KLHL32: variants seen among roughly 807,000 people sequenced by gnomAD.
KLHL32 encodes kelch-like protein 32.
A neutral mutation model predicts 64.8 loss-of-function variants in KLHL32; 35 were observed. The ratio of observed to expected loss-of-function variants is 0.54; its 90% CI spans 0.41 to 0.72. KLHL32 has a LOEUF of 0.72. Among genes scored for constraint, KLHL32 ranks in the 30% least tolerant of loss-of-function variants. The probability of loss-of-function intolerance (pLI) is 0.00; values close to 1 mark genes in which losing one functional copy is unlikely to be tolerated. For missense variants in KLHL32, 589 were observed against 768.5 expected, an observed-to-expected ratio of 0.77 and a Z score of 2.76; for synonymous variants, 259 against 281.0, an observed-to-expected ratio of 0.92 and a Z score of 0.78.
rs140738978 is a variant in KLHL32, at chr6:97,139,530, G to T, written c.*248G>T. 9.7e-6 allele frequency: 4 copies of T among 413,290 alleles called. No homozygotes were observed. Among genetic ancestry groups the T allele is most frequent in the African/African-American group, 6.1e-5 (3 of 48,992 alleles). 25.6% of individuals were successfully genotyped at this position (413,290 alleles called of 1,614,324 possible). ...GCTTAGTGCCAATTTAAGGTATATT[G>T]TGTTCCATGGGTCTTTAGAGCATTC... On this transcript the variant is annotated 3_prime_UTR_variant, in exon 11 of 11. Transcript: ENST00000369261.
chr6:96,952,834 T>C (rs1772792591), intron 1 of KLHL32, among the ~76,000 whole-genome samples: 1 of 152,198 alleles, frequency 6.6e-6, no homozygotes, highest in South Asian at 2.1e-4. Flanking sequence ...TTTCAGACCT[T>C]TGTATTCTGG....
chr6:96,935,845 G>T (rs143390415), intron 1 of KLHL32, among the ~76,000 whole-genome samples: 23 of 152,314 alleles, frequency 1.5e-4, no homozygotes, highest in Non-Finnish European at 3.1e-4. Flanking sequence ...AAATCTCTAT[G>T]CAATAATATG....
chr6:97,026,433 G>A (rs1782730017), intron 3 of KLHL32, among the ~76,000 whole-genome samples: 1 of 152,094 alleles, frequency 6.6e-6, no homozygotes, highest in Non-Finnish European at 1.5e-5. Context: ...TCATTGAGCT[G>A]ACCTGTTCTT....
rs1295954880 is a variant in KLHL32, at chr6:97,139,660, T to A, written c.*378T>A. ...TCGATGATCTTAAAAATATATATAT[T>A]CTGTACTTAATCCCTTTATTATTTA... On this transcript the variant is annotated 3_prime_UTR_variant, in exon 11 of 11. Coordinates refer to ENST00000369261, the MANE Select transcript of KLHL32 (RefSeq NM_052904.4). 6.3e-6 allele frequency: 1 copy of A among 159,748 alleles called. No individual in the cohort carries two copies. Among genetic ancestry groups the A allele is most frequent in the African/African-American group, 2.4e-5 (1 of 41,672 alleles). The allele number at this position is 159,748 out of a possible 1,614,324, so 9.9% of individuals were successfully genotyped here.
intron 3 of KLHL32, among the ~76,000 whole-genome samples, chr6:97,013,551 G>A (rs1351528148): frequency 6.6e-6 from 1 of 152,066 alleles, no homozygotes; most frequent in Non-Finnish European, 1.5e-5. Flanking sequence ...TACATACACA[G>A]ACACACACAT....
intron 2 of KLHL32, among the ~76,000 whole-genome samples, chr6:96,973,263 G>T (rs7762215): frequency 0.42 from 63,531 of 151,934 alleles, 13,468 homozygotes; most frequent in South Asian, 0.54. Flanking sequence ...CAGCTGCTCT[G>T]TTTCTGGTAA....
chr6:96,934,459 C>CA (rs55713007), intron 1 of KLHL32, among the ~76,000 whole-genome samples: 3 of 151,474 alleles, frequency 2.0e-5, no homozygotes, highest in Non-Finnish European at 4.4e-5. Context: ...ACAACAACAA[C>CA]AAAAAAATAG....
At chr6:97,080,281 G>A (rs1164194974) in intron 5 of KLHL32, among the ~76,000 whole-genome samples, 1 of 152,196 alleles carries the variant, frequency 6.6e-6, no homozygotes, top group Non-Finnish European at 1.5e-5. Flanking sequence ...AGGAAGGCCT[G>A]TGAGATATGA....
At position 97,064,705 on chromosome 6, in the gene KLHL32, A is replaced by G. The variant is rs150752710; in HGVS notation, c.390A>G (p.Leu130=). 6.2e-7 allele frequency: 1 copy of G among 1,614,010 alleles called. No homozygotes were observed. Among genetic ancestry groups the G allele is most frequent in the Non-Finnish European group, 8.5e-7 (1 of 1,179,842 alleles). The change falls in exon 5 of 11, where the codon TTA becomes TTG. Residue 130 remains leucine (L), a synonymous_variant. Coordinates refer to ENST00000369261, the MANE Select transcript of KLHL32 (RefSeq NM_052904.4). ...TACAGCTGTTGGAGCTTCTCAATTTATGCTCCCACTATCTCATCCAGGTAT... is the reference window on the plus strand; with the variant it reads ...TACAGCTGTTGGAGCTTCTCAATTTGTGCTCCCACTATCTCATCCAGGTAT... ...SHLQLLELLN[L]CSHYLIQELN...
intron 3 of KLHL32, among the ~76,000 whole-genome samples, chr6:96,989,202 C>G (rs533904476): frequency 1.3e-5 from 2 of 152,244 alleles, no homozygotes; most frequent in East Asian, 1.9e-4. Context: ...TATCAGTGGC[C>G]TATATACATA....
chr6:97,005,594 C>T (rs1017529122), intron 3 of KLHL32, among the ~76,000 whole-genome samples: 1 of 152,044 alleles, frequency 6.6e-6, no homozygotes, highest in African/African-American at 2.4e-5. Context: ...TGAGATATTT[C>T]TAACTTTTTG....
chr6:97,127,715 A>G (rs1799025807), intron 8 of KLHL32, among the ~76,000 whole-genome samples: 2 of 152,194 alleles, frequency 1.3e-5, no homozygotes, highest in African/African-American at 4.8e-5. Context: ...TATAGAAATG[A>G]TTTGAATTGT....
intron 4 of KLHL32, among the ~76,000 whole-genome samples, chr6:97,059,912 T>A (rs1463608862): frequency 6.6e-6 from 1 of 151,754 alleles, no homozygotes; most frequent in Non-Finnish European, 1.5e-5. Flanking sequence ...AAAAAAAAAA[T>A]ACCAAAGAAA....
intron 3 of KLHL32, among the ~76,000 whole-genome samples, chr6:97,016,917 C>G (rs1166651527): frequency 2.0e-5 from 3 of 152,190 alleles, no homozygotes; most frequent in African/African-American, 7.2e-5. Context: ...TCTTCTGTCT[C>G]CTGCTGCCAT....
chr6:97,089,778 TAAA>T (rs35560928), intron 6 of KLHL32, among the ~76,000 whole-genome samples: 20 of 136,228 alleles, frequency 1.5e-4, no homozygotes, highest in South Asian at 2.3e-4. Context: ...AAACTCCAGC[TAAA>T]AAAAAAAAAA....
chr6:97,109,045 A>G (rs991952647), intron 6 of KLHL32, among the ~76,000 whole-genome samples: 2 of 152,176 alleles, frequency 1.3e-5, no homozygotes, highest in African/African-American at 4.8e-5. Context: ...AAGCCTTCCT[A>G]TTCAAAGTGT....
At chr6:97,103,390 T>G (rs2128199402) in intron 6 of KLHL32, among the ~76,000 whole-genome samples, 1 of 152,142 alleles carries the variant, frequency 6.6e-6, no homozygotes, top group Non-Finnish European at 1.5e-5. Context: ...ATTTTTTGTA[T>G]TTTTGGTAGA....
At chr6:97,047,526 C>T (rs1215992532) in intron 4 of KLHL32, among the ~76,000 whole-genome samples, 1 of 152,218 alleles carries the variant, frequency 6.6e-6, no homozygotes, top group Non-Finnish European at 1.5e-5. Context: ...CAAAGTGAAT[C>T]TAAGAAAATA....
intron 5 of KLHL32, among the ~76,000 whole-genome samples, chr6:97,071,194 C>T (rs1282190639): frequency 6.6e-6 from 1 of 152,128 alleles, no homozygotes; most frequent in Non-Finnish European, 1.5e-5. Context: ...TTCTTCAGGC[C>T]CATTGAACTC....
Sources: allele counts gnomAD v4.1 joint callset (sites outside exome capture counted in the v4.1 genomes callset), GRCh38; gene constraint gnomAD v4.1.1; transcripts MANE v1.5; gene names NCBI Gene and HGNC (gene_info 2026-07-23, HGNC 2026-07-21).